PPP2R2B: variants seen among roughly 807,000 people sequenced by gnomAD.
The protein encoded by PPP2R2B is protein phosphatase 2 regulatory subunit Bbeta, also known as serine/threonine-protein phosphatase 2A 55 kDa regulatory subunit B beta isoform.
Under a neutral mutation model 46.0 loss-of-function variants are expected in PPP2R2B, and 5 were observed. That is an observed-to-expected ratio of 0.11 (90% CI 0.06 to 0.23). The LOEUF is 0.23. PPP2R2B is among the 10% of genes least tolerant of loss of function. The probability of loss-of-function intolerance (pLI) is 1.00; values close to 1 mark genes in which losing one functional copy is unlikely to be tolerated. For synonymous variants in PPP2R2B, 215 were observed against 206.7 expected (o/e 1.04, Z -0.34); for missense variants, 367 against 575.0 (o/e 0.64, Z 3.70).
intron 2 of PPP2R2B, among the ~76,000 whole-genome samples, chr5:146,702,123 A>C (rs1470527584): frequency 6.6e-6 from 1 of 151,856 alleles, no homozygotes; most frequent in Non-Finnish European, 1.5e-5. Flanking sequence ...CATTCTGAAG[A>C]TAATGTCTAG....
chr5:146,951,974 CTT>C (rs34746460), intron 1 of PPP2R2B, among the ~76,000 whole-genome samples: 40 of 127,444 alleles, frequency 3.1e-4, no homozygotes, highest in East Asian at 7.0e-4. Flanking sequence ...TACATAGAAT[CTT>C]TTTTTTTTTT....
At chr5:146,961,122 T>A (rs1264513087) in intron 1 of PPP2R2B, among the ~76,000 whole-genome samples, 2 of 152,170 alleles carry the variant, frequency 1.3e-5, no homozygotes, top group African/African-American at 2.4e-5. Flanking sequence ...ATACTGTAAA[T>A]ATGTATTTGC....
intron 2 of PPP2R2B, among the ~76,000 whole-genome samples, chr5:146,756,511 T>C (rs1389911153): frequency 6.6e-6 from 1 of 152,222 alleles, no homozygotes; most frequent in East Asian, 1.9e-4. Context: ...GAAAAGTATA[T>C]GTGAATCTTT....
chr5:146,818,438 T>A (rs1758061765), intron 2 of PPP2R2B, among the ~76,000 whole-genome samples: 1 of 152,198 alleles, frequency 6.6e-6, no homozygotes, highest in East Asian at 1.9e-4. Context: ...ATGGGCATTT[T>A]CTCCTCACTC....
chr5:147,011,246 A>C (rs995839049), intron 1 of PPP2R2B, among the ~76,000 whole-genome samples: 7 of 152,072 alleles, frequency 4.6e-5, no homozygotes, highest in African/African-American at 1.7e-4. Context: ...GTCTTTGCTT[A>C]TAATGTCACC....
rs143418083 is a variant in PPP2R2B, at chr5:146,862,185, C to A, written c.70+15817G>T. Among the ~76,000 whole-genome samples the A allele has an allele frequency of 4.4e-4, 67 of 152,330 alleles. 1 individual carries two copies. The East Asian group carries it at 0.012, about 27-fold the overall frequency. The stretch of plus-strand genomic sequence containing the variant: ...TAGGAGGACCTGGCTTTACCTCATT[C>A]AGAGGGACCTGCAAGTCTAAACTCC... On this transcript the variant is annotated intron_variant, in intron 2 of 9. Coordinates refer to ENST00000394411, the MANE Select transcript of PPP2R2B (RefSeq NM_181675.4).
At chr5:146,785,543 G>C (rs921044739) in intron 2 of PPP2R2B, among the ~76,000 whole-genome samples, 4 of 152,084 alleles carry the variant, frequency 2.6e-5, no homozygotes, top group Non-Finnish European at 4.4e-5. Flanking sequence ...GTGAGACCCT[G>C]TCTCAAAAAC....
chr5:146,787,478 C>G (rs948150823), intron 2 of PPP2R2B, among the ~76,000 whole-genome samples: 2 of 152,080 alleles, frequency 1.3e-5, no homozygotes. Flanking sequence ...CTTGGGCCAC[C>G]AGAGCTCTTC....
At chr5:146,937,935 C>T (rs563646079) in intron 1 of PPP2R2B, among the ~76,000 whole-genome samples, 25 of 152,194 alleles carry the variant, frequency 1.6e-4, no homozygotes, top group African/African-American at 5.1e-4. Context: ...CTGTCATGTT[C>T]GTCTTTGTAT....
At chr5:147,027,640 A>AAAT (rs1755593344) in intron 1 of PPP2R2B, among the ~76,000 whole-genome samples, 1 of 151,728 alleles carries the variant, frequency 6.6e-6, no homozygotes, top group Admixed American at 6.6e-5. Context: ...GTCTCAAAAA[A>AAAT]AAAAAAAAAA....
chr5:146,997,589 A>G lies in PPP2R2B; in HGVS notation c.79+58076T>C, dbSNP rs150066687. 3.8e-3 allele frequency among the ~76,000 whole-genome samples: 577 copies of G among 152,340 alleles called. 7 individuals are homozygous for G. Among genetic ancestry groups the G allele is most frequent in the African/African-American group, 0.012 (516 of 41,582 alleles). On this transcript the variant is annotated intron_variant, in intron 1 of 8. Coordinates refer to the PPP2R2B transcript ENST00000336640. ...CAAACCCTGCAGTTGATCTTGATGC[A>G]TGCCAACATGTGAGACCAATACATT...
chr5:146,719,167 T>C (rs1295111476), intron 2 of PPP2R2B, among the ~76,000 whole-genome samples: 1 of 152,220 alleles, frequency 6.6e-6, no homozygotes, highest in African/African-American at 2.4e-5. Context: ...CCACATTTAC[T>C]AGCTGGCAAA....
Position 146,845,315 on chromosome 5 carries a change from T to TTTG in PPP2R2B, c.70+32686_70+32687insCAA, listed in dbSNP as rs1554144663. The stretch of plus-strand genomic sequence containing the variant: ...TTTTCTTTTCCTTTTCTTTTTTTTG[T>TTTG]TTTTTTTTGAGATGGAGTCTCACTC... On this transcript the variant is annotated intron_variant, in intron 2 of 9. Transcript: ENST00000394411. Among the ~76,000 whole-genome samples the TTTG allele has an allele frequency of 4.8e-5, 6 of 125,492 alleles. 1 individual carries two copies. Among genetic ancestry groups the TTTG allele is most frequent in the Non-Finnish European group, 8.6e-5 (5 of 58,182 alleles). 82.3% of individuals were successfully genotyped at this position (125,492 alleles called of 152,430 possible).
At chr5:146,862,340 G>A (rs1183327380) in intron 2 of PPP2R2B, among the ~76,000 whole-genome samples, 1 of 152,212 alleles carries the variant, frequency 6.6e-6, no homozygotes, top group East Asian at 1.9e-4. Context: ...TCCTTTGTAT[G>A]GTAAACTAGA....
At chr5:147,075,873 G>T (rs1465344418) in intron 2 of PPP2R2B, among the ~76,000 whole-genome samples, 2 of 152,118 alleles carry the variant, frequency 1.3e-5, no homozygotes, top group Non-Finnish European at 1.5e-5. Context: ...TTTTGAGAAT[G>T]TGTCCCAGGG....
At chr5:146,682,937 G>A (rs866823932) in intron 5 of PPP2R2B, among the ~76,000 whole-genome samples, 6 of 152,180 alleles carry the variant, frequency 3.9e-5, no homozygotes, top group Admixed American at 2.0e-4. Context: ...GAGGAAAAAG[G>A]AAGGGATTTT....
chr5:147,040,324 C>T (rs1360536532), intron 1 of PPP2R2B, among the ~76,000 whole-genome samples: 3 of 152,124 alleles, frequency 2.0e-5, no homozygotes, highest in Non-Finnish European at 4.4e-5. Context: ...GCCACTGCCT[C>T]ACCTATAGGA....
chr5:146,669,852 A>G (rs1777233119), intron 5 of PPP2R2B, among the ~76,000 whole-genome samples: 1 of 152,204 alleles, frequency 6.6e-6, no homozygotes, highest in Admixed American at 6.5e-5. Flanking sequence ...AACCTTACAG[A>G]GAATGGTCAA....
chr5:146,951,847 A>G (rs923175257), intron 1 of PPP2R2B, among the ~76,000 whole-genome samples: 2 of 152,086 alleles, frequency 1.3e-5, no homozygotes, highest in African/African-American at 4.8e-5. Flanking sequence ...TTATAATACA[A>G]TGATTTATAT....
Sources: allele counts gnomAD v4.1 joint callset (sites outside exome capture counted in the v4.1 genomes callset), GRCh38; gene constraint gnomAD v4.1.1; transcripts MANE v1.5; gene names NCBI Gene and HGNC (gene_info 2026-07-23, HGNC 2026-07-21).